The following NRXN1 variants were observed in gnomAD, a reference collection of about 807,000 sequenced individuals.
NRXN1 encodes neurexin 1, also known as neurexin-1.
NRXN1 carries 39 observed loss-of-function variants against 150.9 expected under a neutral mutation model. The observed-to-expected ratio is 0.26, with a 90% CI of 0.20 to 0.34. NRXN1 has a LOEUF of 0.34. NRXN1 is among the 10% of genes least tolerant of loss of function. The pLI is 1.00. For synonymous variants in NRXN1, 924 were observed against 757.0 expected (o/e 1.22, Z -3.62); for missense variants, 1,815 against 1,949.9 (o/e 0.93, Z 1.30).
chr2:50,968,905 C>T (rs185824359), intron 2 of NRXN1, among the ~76,000 whole-genome samples: 22 of 152,122 alleles, frequency 1.4e-4, no homozygotes, highest in East Asian at 3.9e-4. Context: ...TAGAGCTTGC[C>T]GATAAATTTC....
intron 19 of NRXN1, among the ~76,000 whole-genome samples, chr2:50,055,906 G>C (rs1013305032): frequency 3.3e-5 from 5 of 152,162 alleles, no homozygotes; most frequent in African/African-American, 1.2e-4. Flanking sequence ...TAACCTAAGT[G>C]AGAGCCCTGC....
At chr2:50,794,227 T>C (rs886428025) in intron 5 of NRXN1, among the ~76,000 whole-genome samples, 1 of 152,044 alleles carries the variant, frequency 6.6e-6, no homozygotes, top group Non-Finnish European at 1.5e-5. Flanking sequence ...ATTTCAAGAG[T>C]GACCTTGTTT....
intron 17 of NRXN1, among the ~76,000 whole-genome samples, chr2:50,463,579 C>A (rs2088480563): frequency 6.6e-6 from 1 of 151,758 alleles, no homozygotes; most frequent in South Asian, 2.1e-4. Context: ...ATTGTCATCA[C>A]CAGTACTATC....
chr2:50,545,644 T>G (rs770943568), intron 9 of NRXN1, among the ~76,000 whole-genome samples: 3 of 152,212 alleles, frequency 2.0e-5, no homozygotes, highest in Non-Finnish European at 2.9e-5. Flanking sequence ...TTACAGGACA[T>G]GAAATACTTC....
At chr2:50,960,087 C>G (rs1692906145) in intron 2 of NRXN1, among the ~76,000 whole-genome samples, 1 of 151,472 alleles carries the variant, frequency 6.6e-6, no homozygotes, top group African/African-American at 2.4e-5. Flanking sequence ...TTTTTCATGT[C>G]ATGTTGCTTT....
chr2:50,726,737 T>A (rs1398155637), intron 5 of NRXN1, among the ~76,000 whole-genome samples: 1 of 152,186 alleles, frequency 6.6e-6, no homozygotes, highest in African/African-American at 2.4e-5. Flanking sequence ...CCTCCATTAG[T>A]AAACACAATT....
intron 21 of NRXN1, among the ~76,000 whole-genome samples, chr2:50,005,786 C>A (rs1435895796): frequency 6.6e-6 from 1 of 152,180 alleles, no homozygotes. Flanking sequence ...CTCAAACACA[C>A]TGTGCATCTT....
intron 12 of NRXN1, among the ~76,000 whole-genome samples, chr2:50,507,579 A>G (rs1266444894): frequency 1.3e-5 from 2 of 149,944 alleles, no homozygotes; most frequent in African/African-American, 4.9e-5. Context: ...ATATTATTTC[A>G]GAAAGGTGTT....
rs1279754515 is a variant in NRXN1 at position 50,037,333 on chromosome 2, G to A, written c.4128+15938C>T. 3.3e-5 allele frequency among the ~76,000 whole-genome samples: 5 copies of A among 151,792 alleles called. No individual in the cohort carries two copies. The South Asian group carries it at 6.2e-4, about 19-fold the overall frequency. On this transcript the variant is annotated intron_variant, in intron 21 of 22. Transcript: ENST00000401669. ...AAAATTTATAAAAAAAATTTTTGAAGTCAAAGTAAAAAATCCAGAATATTG... is the reference window on the plus strand; with the variant it reads ...AAAATTTATAAAAAAAATTTTTGAAATCAAAGTAAAAAATCCAGAATATTG...
chr2:50,300,646 G>C (rs2074060012), intron 17 of NRXN1, among the ~76,000 whole-genome samples: 1 of 152,184 alleles, frequency 6.6e-6, no homozygotes, highest in Non-Finnish European at 1.5e-5. Context: ...CCACTTCTAA[G>C]CCATGCTCTT....
intron 12 of NRXN1, among the ~76,000 whole-genome samples, chr2:50,526,028 C>T (rs1320490529): frequency 6.6e-6 from 1 of 152,178 alleles, no homozygotes; most frequent in Admixed American, 6.5e-5. Flanking sequence ...CCTCACCTCC[C>T]ACCCATTTTT....
intron 2 of NRXN1, among the ~76,000 whole-genome samples, chr2:50,993,986 C>T (rs1698915685): frequency 6.6e-6 from 1 of 151,966 alleles, no homozygotes; most frequent in South Asian, 2.1e-4. Context: ...CACTCACTTC[C>T]ATTCCCAAAA....
intron 5 of NRXN1, among the ~76,000 whole-genome samples, chr2:50,641,716 C>T (rs1398127913): frequency 6.6e-6 from 1 of 152,046 alleles, no homozygotes; most frequent in Non-Finnish European, 1.5e-5. Flanking sequence ...TTTAACTTCT[C>T]TTGGAATAAT....
At chr2:50,372,704 C>G (rs1429516208) in intron 17 of NRXN1, among the ~76,000 whole-genome samples, 1 of 152,066 alleles carries the variant, frequency 6.6e-6, no homozygotes, top group African/African-American at 2.4e-5. Flanking sequence ...TTTTGCAATA[C>G]TCACTCATAT....
At chr2:50,580,802 T>C (rs1672146856) in intron 8 of NRXN1, among the ~76,000 whole-genome samples, 1 of 152,128 alleles carries the variant, frequency 6.6e-6, no homozygotes, top group Non-Finnish European at 1.5e-5. Flanking sequence ...GAAGGGCTTA[T>C]TTCCATGCTA....
At chr2:50,758,497 G>A (rs1701416539) in intron 5 of NRXN1, among the ~76,000 whole-genome samples, 1 of 151,776 alleles carries the variant, frequency 6.6e-6, no homozygotes, top group Non-Finnish European at 1.5e-5. Flanking sequence ...CAAACAAAAT[G>A]ATGTTTCGCT....
chr2:50,139,738 T>C (rs920347432), intron 18 of NRXN1, among the ~76,000 whole-genome samples: 5 of 152,176 alleles, frequency 3.3e-5, no homozygotes, highest in Admixed American at 1.3e-4. Context: ...AATTTTCTTC[T>C]TACTCGACTA....
chr2:50,219,938 ATATAT>A (rs1196520114), intron 18 of NRXN1, among the ~76,000 whole-genome samples: 2 of 60,870 alleles, frequency 3.3e-5, no homozygotes, highest in African/African-American at 2.1e-4. Context: ...TATATATATT[ATATAT>A]TATATATATA....
At chr2:50,213,707 A>C (rs2063192204) in intron 18 of NRXN1, among the ~76,000 whole-genome samples, 1 of 113,960 alleles carries the variant, frequency 8.8e-6, no homozygotes. Context: ...TAGTGGTTCA[A>C]AGAATCTTGT....
Sources: gnomAD v4.1 joint callset for allele counts (sites outside exome capture counted in the v4.1 genomes callset) on GRCh38, gnomAD v4.1.1 for gene constraint, MANE v1.5 for transcripts, NCBI Gene and HGNC (gene_info 2026-07-23, HGNC 2026-07-21) for gene names.